ARB2A: variants seen among roughly 807,000 people sequenced by gnomAD.
ARB2A encodes the protein ARB2 cotranscriptional regulator A, also known as cotranscriptional regulator ARB2A.
chr5:93,736,889 A>G, the ARB2A span: 12 of 152,346 alleles, frequency 7.9e-5, no homozygotes, highest in Middle Eastern at 3.4e-3. Context: ...CCTAAGAACA[A>G]AAACAAGACA....
At chr5:94,001,235 G>A in the ARB2A span, among the ~76,000 whole-genome samples, 108,580 of 151,892 alleles carry the variant, frequency 0.71, 40,756 homozygotes, top group South Asian at 0.86. Flanking sequence ...ATTAAGTTGG[G>A]AAGAACTGAC....
the ARB2A span, among the ~76,000 whole-genome samples, chr5:93,990,257 TTAAAG>T: frequency 9.9e-5 from 15 of 152,238 alleles, no homozygotes; most frequent in East Asian, 1.9e-4. Context: ...ATCTGAAAGC[TTAAAG>T]TAATTTGTGA....
chr5:93,975,939 G>T, the ARB2A span, among the ~76,000 whole-genome samples: 5 of 151,620 alleles, frequency 3.3e-5, no homozygotes, highest in Non-Finnish European at 5.9e-5. Flanking sequence ...TCCCAATCTG[G>T]TAAAGATACA....
chr5:93,627,915 GAATT>G, the ARB2A span, among the ~76,000 whole-genome samples: 9 of 152,114 alleles, frequency 5.9e-5, no homozygotes, highest in African/African-American at 1.9e-4. Flanking sequence ...TATTTTGAAA[GAATT>G]CTTTTTTTTT....
the ARB2A span, chr5:93,863,583 A>G: frequency 1.3e-5 from 2 of 151,938 alleles, no homozygotes; most frequent in Non-Finnish European, 2.9e-5. Context: ...GGCTTTTTTT[A>G]TAGCATTACT....
chr5:93,800,848 G>T, the ARB2A span, among the ~76,000 whole-genome samples: 108 of 152,188 alleles, frequency 7.1e-4, 1 homozygote, highest in African/African-American at 2.4e-3. Flanking sequence ...GTTAGGAATG[G>T]TAGCACATCA....
the ARB2A span, among the ~76,000 whole-genome samples, chr5:93,994,531 G>C: frequency 6.6e-6 from 1 of 151,982 alleles, no homozygotes; most frequent in Non-Finnish European, 1.5e-5. Flanking sequence ...ATGGAAAGCT[G>C]GTGTTCAACG....
the ARB2A span, among the ~76,000 whole-genome samples, chr5:93,867,526 T>C: frequency 9.2e-5 from 14 of 152,156 alleles, no homozygotes; most frequent in African/African-American, 3.1e-4. Context: ...CAAGCGATTC[T>C]CCTGCCTCAG....
the ARB2A span, among the ~76,000 whole-genome samples, chr5:93,993,577 G>A: frequency 2.0e-5 from 3 of 151,962 alleles, no homozygotes; most frequent in African/African-American, 7.3e-5. Context: ...AAAGATGGTG[G>A]GAGAGGTGTA....
At chr5:94,055,849 C>T in the ARB2A span, 1 of 985,310 alleles carries the variant, frequency 1.0e-6, no homozygotes. Context: ...CGAAACTGTC[C>T]ATACATAAGC....
At chr5:94,060,319 T>A in the ARB2A span, among the ~76,000 whole-genome samples, 1 of 151,858 alleles carries the variant, frequency 6.6e-6, no homozygotes, top group Non-Finnish European at 1.5e-5. Flanking sequence ...GCCACTGCAC[T>A]CCAGCCAGGG....
the ARB2A span, among the ~76,000 whole-genome samples, chr5:94,066,852 T>C: frequency 6.6e-6 from 1 of 152,152 alleles, no homozygotes; most frequent in Admixed American, 6.5e-5. Context: ...AGGCTAGAAT[T>C]ACCTTGATAT....
the ARB2A span, among the ~76,000 whole-genome samples, chr5:93,732,107 T>G: frequency 6.6e-6 from 1 of 152,164 alleles, no homozygotes; most frequent in Admixed American, 6.5e-5. Flanking sequence ...CGATAAACCA[T>G]GTAGCCTCTC....
At chr5:93,880,664 A>G in the ARB2A span, among the ~76,000 whole-genome samples, 1 of 151,734 alleles carries the variant, frequency 6.6e-6, no homozygotes, top group African/African-American at 2.4e-5. Context: ...TTGAAAATTG[A>G]CAAATGTCTC....
chr5:93,661,175 A>G, the ARB2A span, among the ~76,000 whole-genome samples: 2 of 152,234 alleles, frequency 1.3e-5, no homozygotes, highest in South Asian at 4.1e-4. Flanking sequence ...TTGCATAAGT[A>G]GTAAGATAAC....
chr5:94,022,056 A>C, the ARB2A span, among the ~76,000 whole-genome samples: 1 of 152,144 alleles, frequency 6.6e-6, no homozygotes, highest in Non-Finnish European at 1.5e-5. Context: ...GGACAACAGC[A>C]AAACTCTGTC....
chr5:93,640,320 G>A, the ARB2A span, among the ~76,000 whole-genome samples: 5 of 151,090 alleles, frequency 3.3e-5, no homozygotes, highest in African/African-American at 4.9e-5. Context: ...ATAGTGGTGG[G>A]TGCCTGTAAT....
the ARB2A span, among the ~76,000 whole-genome samples, chr5:93,774,077 T>G: frequency 6.6e-6 from 1 of 152,212 alleles, no homozygotes; most frequent in African/African-American, 2.4e-5. Flanking sequence ...TACTCGGCCT[T>G]GATCAGTCAT....
the ARB2A span, among the ~76,000 whole-genome samples, chr5:94,012,141 G>C: frequency 6.6e-6 from 1 of 152,002 alleles, no homozygotes; most frequent in Non-Finnish European, 1.5e-5. Flanking sequence ...AGTGGCTCAC[G>C]CCTGTAATCC....
Sources: allele counts gnomAD v4.1 joint callset (sites outside exome capture counted in the v4.1 genomes callset), GRCh38; gene constraint gnomAD v4.1.1; transcripts MANE v1.5; gene names NCBI Gene and HGNC (gene_info 2026-07-23, HGNC 2026-07-21).